The following DAGLB variants were observed in gnomAD, a reference collection of about 807,000 sequenced individuals.
DAGLB encodes the protein diacylglycerol lipase beta.
In DAGLB, 66 loss-of-function variants were observed where a neutral mutation model predicts 72.1. The ratio of observed to expected loss-of-function variants is 0.92; its 90% confidence interval spans 0.75 to 1.12. The LOEUF is 1.12. DAGLB is among the 50% of genes most tolerant of loss of function. The pLI, the probability that DAGLB is intolerant of heterozygous loss-of-function variation, is 0.00. For synonymous variants in DAGLB, 414 were observed against 359.5 expected (o/e 1.15, Z -1.71); for missense variants, 1,065 against 884.9 (o/e 1.20, Z -2.58).
At chr7:6,446,187 GA>G (rs1784994030) in intron 1 of DAGLB, 83 bp from the exon 2 acceptor site, 3 of 1,438,022 alleles carry the variant, frequency 2.1e-6, no homozygotes, top group Non-Finnish European at 2.8e-6. Flanking sequence ...AATAAAAGGG[GA>G]CAGGGCGCGG....
intron 8 of DAGLB, among the ~76,000 whole-genome samples, chr7:6,424,274 C>A (rs836523): frequency 0.38 from 58,377 of 152,032 alleles, 14,657 homozygotes; most frequent in African/African-American, 0.69. Context: ...GGATGGATGT[C>A]GGCAGTCCTG....
chr7:6,421,316 G>A (rs897913842), intron 9 of DAGLB, among the ~76,000 whole-genome samples: 1 of 136,406 alleles, frequency 7.3e-6, no homozygotes, highest in Admixed American at 7.4e-5. Flanking sequence ...ATCAGGCAGC[G>A]CGGGAGGCGC....
chr7:6,438,808 G>A (rs566579283), intron 2 of DAGLB, among the ~76,000 whole-genome samples: 2 of 152,216 alleles, frequency 1.3e-5, no homozygotes, highest in East Asian at 1.9e-4. Context: ...AGGAGTTCGA[G>A]ACCACGCTGG....
chr7:6,431,092 A>G (rs1208347808), intron 5 of DAGLB, among the ~76,000 whole-genome samples: 1 of 151,894 alleles, frequency 6.6e-6, no homozygotes, highest in African/African-American at 2.4e-5. Context: ...CTCATTTTAT[A>G]GGAACACAGC....
rs774441495 is a variant in DAGLB at position 6,424,765 on chromosome 7, GT to G, written c.1126del (p.Thr376ProfsTer50). ...KESVVVAVRGTMSLQDVLTDL... is the reference protein window; with the variant it reads ...KESVVVAVRGXMSLQDVLTDL... ...TTCCAACGTTACCTGCAGAGACATG[GT>G]CCCCCTCACAGCGACCACAACAGAC... On this transcript the variant is annotated frameshift_variant, in exon 8 of 15. Coordinates refer to ENST00000297056, the MANE Select transcript of DAGLB (RefSeq NM_139179.4). LOFTEE classifies it high-confidence loss of function. The G allele has an allele frequency of 3.1e-6, 5 of 1,613,698 alleles. No individual in the cohort carries two copies. The highest frequency in any genetic ancestry group is 2.5e-6 in the Non-Finnish European group (3 of 1,179,856).
At chr7:6,418,030 C>A (rs925940105) in intron 9 of DAGLB, among the ~76,000 whole-genome samples, 1 of 151,962 alleles carries the variant, frequency 6.6e-6, no homozygotes, top group African/African-American at 2.4e-5. Context: ...GCCATCACAC[C>A]CAGCTAATTT....
chr7:6,420,411 G>A (rs1439549646), intron 9 of DAGLB, among the ~76,000 whole-genome samples: 1 of 150,594 alleles, frequency 6.6e-6, no homozygotes, highest in Non-Finnish European at 1.5e-5. Flanking sequence ...CTGCACTCCA[G>A]CCTGGACGAC....
At chr7:6,411,322 C>G (rs1027618482) in intron 13 of DAGLB, among the ~76,000 whole-genome samples, 2 of 149,200 alleles carry the variant, frequency 1.3e-5, no homozygotes, top group African/African-American at 4.9e-5. Context: ...ATACTAATTT[C>G]TAAAAAAAAT....
intron 2 of DAGLB, among the ~76,000 whole-genome samples, chr7:6,437,149 G>A (rs1218351320): frequency 1.8e-5 from 2 of 113,956 alleles, no homozygotes; most frequent in Admixed American, 1.9e-4. Context: ...GCAAGACTCC[G>A]TCTCAAAATA....
At chr7:6,418,077 G>A (rs1158717182) in intron 9 of DAGLB, among the ~76,000 whole-genome samples, 1 of 152,048 alleles carries the variant, frequency 6.6e-6, no homozygotes, top group African/African-American at 2.4e-5. Context: ...CACCATGTTG[G>A]CCAGGCTAGT....
chr7:6,447,939 G>A lies in DAGLB; in HGVS notation c.-97C>T. ...CGGACGCCGCCACCAAATTATCGGC[G>A]CTCAAGCGCAAACGCAGCGAGGGCG... On this transcript the variant is annotated 5_prime_UTR_variant, in exon 1 of 15. Transcript: ENST00000297056. The A allele has an allele frequency of 2.1e-6, 3 of 1,461,448 alleles. No individual in the cohort carries two copies. The highest frequency in any genetic ancestry group is 1.8e-4 in the Middle Eastern group (1 of 5,598). 90.5% of individuals were successfully genotyped at this position (1,461,448 alleles called of 1,614,324 possible). A position where few individuals can be genotyped will look rare whatever the true frequency, so the allele number is the denominator to read the frequency against.
At position 6,409,811 on chromosome 7, in the gene DAGLB, C is replaced by T. The variant is rs778915640; in HGVS notation, c.*26G>A. On this transcript the variant is annotated 3_prime_UTR_variant, in exon 15 of 15. Coordinates refer to ENST00000297056, the MANE Select transcript of DAGLB (RefSeq NM_139179.4). The stretch of plus-strand genomic sequence containing the variant: ...AGGACAAAAGCGTGAGTCCATCGTT[C>T]CTGGGACAGTTTCCAGTGGCCCTGG... 1 of 1,609,140 alleles carries T rather than the reference C, an allele frequency of 6.2e-7. No homozygotes were observed. The highest frequency in any genetic ancestry group is 1.7e-5 in the Admixed American group (1 of 59,294).
intron 13 of DAGLB, among the ~76,000 whole-genome samples, chr7:6,412,406 G>T (rs954823437): frequency 1.3e-5 from 2 of 152,060 alleles, no homozygotes; most frequent in Non-Finnish European, 1.5e-5. Flanking sequence ...TCACAAGACA[G>T]GACTAAGAAG....
chr7:6,440,892 A>G (rs964816701), intron 2 of DAGLB, among the ~76,000 whole-genome samples: 3 of 151,810 alleles, frequency 2.0e-5, no homozygotes, highest in Admixed American at 6.6e-5. Context: ...CAGTCAATCA[A>G]TCATTTATAT....
chr7:6,441,909 G>A (rs1298258232), intron 2 of DAGLB, among the ~76,000 whole-genome samples: 1 of 152,120 alleles, frequency 6.6e-6, no homozygotes, highest in Non-Finnish European at 1.5e-5. Context: ...GCAGAAGCAA[G>A]ACGGCATCGG....
At position 6,440,713 on chromosome 7, in the gene DAGLB, C is replaced by G. The variant is rs116065136; in HGVS notation, c.248-4180G>C. ...GGCCAACATGGTTTCTACAAAAAAA[C>G]ACAAAATTAGACAGGCATAGTAGTG... On this transcript the variant is annotated intron_variant, in intron 2 of 14. Coordinates refer to ENST00000297056, the MANE Select transcript of DAGLB (RefSeq NM_139179.4). Among the ~76,000 whole-genome samples the G allele has an allele frequency of 7.7e-3, 1,167 of 152,064 alleles. 11 individuals are homozygous for G. The highest frequency in any genetic ancestry group is 0.026 in the African/African-American group (1,092 of 41,508).
intron 5 of DAGLB, 93 bp from the exon 6 acceptor site, chr7:6,430,700 A>T: frequency 7.7e-7 from 1 of 1,304,842 alleles, no homozygotes; most frequent in South Asian, 2.2e-5. Flanking sequence ...CTCATTCCTG[A>T]CTCTTCCTGC....
At chr7:6,445,830 T>A in intron 2 of DAGLB, 123 bp downstream of exon 2, 1 of 1,115,702 alleles carries the variant, frequency 9.0e-7, no homozygotes, top group East Asian at 2.6e-5. Context: ...GCTGCACAAC[T>A]CTGTGATTAT....
In DAGLB at chr7:6,410,042, C is replaced by A. The variant is rs1187732331; in HGVS notation, c.1821-7G>T. On this transcript the variant is annotated splice_polypyrimidine_tract_variant and splice_region_variant and intron_variant, in intron 14 of 14. Coordinates refer to ENST00000297056, the MANE Select transcript of DAGLB (RefSeq NM_139179.4). ...AGCAGAGCAGCAGCCAAACCTGAAG[C>A]AGAAAAGGAGAGACAGCTCCCACGC... is the stretch of plus-strand genomic sequence containing the variant. 1.2e-6 allele frequency: 2 copies of A among 1,611,108 alleles called. No individual in the cohort carries two copies. Among genetic ancestry groups the A allele is most frequent in the Non-Finnish European group, 1.7e-6 (2 of 1,178,206 alleles).
Sources: allele counts gnomAD v4.1 joint callset (sites outside exome capture counted in the v4.1 genomes callset), GRCh38; gene constraint gnomAD v4.1.1; transcripts MANE v1.5; gene names NCBI Gene and HGNC (gene_info 2026-07-23, HGNC 2026-07-21).